KIF6: variants seen among roughly 807,000 people sequenced by gnomAD.
KIF6 encodes kinesin-like protein KIF6.
Under a neutral mutation model 112.7 loss-of-function variants are expected in KIF6, and 106 were observed. The observed-to-expected ratio is 0.94, with a 90% CI of 0.80 to 1.11. The LOEUF (loss-of-function observed/expected upper bound fraction) is 1.11, where lower values mean the gene tolerates loss of function less well. Ranked by LOEUF, KIF6 falls within the 50% of genes least tolerant of loss-of-function variation. KIF6 has a pLI of 0.00. For synonymous variants in KIF6, 339 were observed against 339.9 expected (o/e 1.00, Z 0.03); for missense variants, 929 against 964.0 (o/e 0.96, Z 0.48).
At chr6:39,543,280 G>A (rs1319083416) in intron 12 of KIF6, among the ~76,000 whole-genome samples, 2 of 152,154 alleles carry the variant, frequency 1.3e-5, no homozygotes, top group East Asian at 3.9e-4. Context: ...GGTCCAGGCC[G>A]AGACCATGCC....
intron 15 of KIF6, among the ~76,000 whole-genome samples, chr6:39,400,454 T>C (rs1050834438): frequency 1.3e-5 from 2 of 152,246 alleles, no homozygotes; most frequent in Non-Finnish European, 2.9e-5. Flanking sequence ...CAGACAGCTT[T>C]ATACCGGCCA....
intron 21 of KIF6, among the ~76,000 whole-genome samples, chr6:39,345,025 C>T (rs748462149): frequency 6.6e-6 from 1 of 152,252 alleles, no homozygotes; most frequent in Non-Finnish European, 1.5e-5. Flanking sequence ...CTCCATATAG[C>T]ATTCCCCTTC....
intron 13 of KIF6, among the ~76,000 whole-genome samples, chr6:39,501,437 A>G (rs1293745573): frequency 1.3e-5 from 2 of 152,212 alleles, no homozygotes; most frequent in East Asian, 3.9e-4. Context: ...CAATGACCAC[A>G]ACATCTCTCC....
Position 39,344,282 on chromosome 6 carries a change from C to T in KIF6, c.2322-467G>A, listed in dbSNP as rs540325671. 2.0e-5 allele frequency among the ~76,000 whole-genome samples: 3 copies of T among 152,268 alleles called. No individual in the cohort carries two copies. The South Asian group carries it at 6.2e-4, about 32-fold the overall frequency. On this transcript the variant is annotated intron_variant, in intron 21 of 22. Coordinates refer to ENST00000287152, the MANE Select transcript of KIF6 (RefSeq NM_145027.6). ...CGTGCCTTTCACCATGATTGTGAGG[C>T]CTCCCCAGTGACATGAACTGTGAGT...
chr6:39,696,153 G>C (rs1273807314), intron 3 of KIF6, among the ~76,000 whole-genome samples: 2 of 152,124 alleles, frequency 1.3e-5, no homozygotes, highest in African/African-American at 4.8e-5. Context: ...GGAGGAAGGA[G>C]GAAGAGGAAC....
intron 16 of KIF6, among the ~76,000 whole-genome samples, chr6:39,377,316 T>C (rs922223789): frequency 5.9e-5 from 9 of 152,118 alleles, no homozygotes; most frequent in African/African-American, 2.2e-4. Context: ...CCCAAAGTGC[T>C]GAGATTACAG....
intron 10 of KIF6, among the ~76,000 whole-genome samples, chr6:39,550,269 T>C (rs571777889): frequency 9.2e-5 from 14 of 152,290 alleles, no homozygotes; most frequent in Middle Eastern, 3.4e-3. Flanking sequence ...CATATCTCTA[T>C]GGCACTGGCT....
chr6:39,690,076 A>G (rs191724011), intron 3 of KIF6: 1 of 152,320 alleles, frequency 6.6e-6, no homozygotes, highest in African/African-American at 2.4e-5. Flanking sequence ...AAAAGTCAAA[A>G]CATTTCTTGC....
At chr6:39,353,956 C>T in intron 19 of KIF6, 1 of 523,440 alleles carries the variant, frequency 1.9e-6, no homozygotes, top group Non-Finnish European at 3.5e-6. Context: ...AGCAGGACTG[C>T]TACTGAGGGC....
chr6:39,390,751 C>A (rs1200407029), intron 15 of KIF6, among the ~76,000 whole-genome samples: 2 of 152,134 alleles, frequency 1.3e-5, no homozygotes, highest in Non-Finnish European at 2.9e-5. Flanking sequence ...GAATATGTTT[C>A]CTGCCTGAGG....
intron 9 of KIF6, chr6:39,583,075 T>C (rs891825750): frequency 4.0e-6 from 1 of 249,126 alleles, no homozygotes; most frequent in Non-Finnish European, 8.3e-6. Flanking sequence ...CACATAATAA[T>C]GTTTACCTTT....
intron 13 of KIF6, among the ~76,000 whole-genome samples, chr6:39,434,466 G>C (rs1366955338): frequency 6.6e-6 from 1 of 151,992 alleles, no homozygotes. Flanking sequence ...AGCTACTTGG[G>C]AGGCTGAGGC....
intron 13 of KIF6, among the ~76,000 whole-genome samples, chr6:39,451,094 G>A (rs1388124654): frequency 6.6e-6 from 1 of 152,046 alleles, no homozygotes; most frequent in Non-Finnish European, 1.5e-5. Flanking sequence ...ATGCTGCACC[G>A]AGTGTCTTGG....
At chr6:39,706,894 C>T (rs1207798399) in intron 3 of KIF6, among the ~76,000 whole-genome samples, 1 of 152,164 alleles carries the variant, frequency 6.6e-6, no homozygotes, top group African/African-American at 2.4e-5. Flanking sequence ...GCCTAATTTA[C>T]AGAATAGAAG....
At chr6:39,636,013 T>C (rs555252746) in intron 4 of KIF6, among the ~76,000 whole-genome samples, 32 of 152,084 alleles carry the variant, frequency 2.1e-4, no homozygotes, top group Non-Finnish European at 3.5e-4. Flanking sequence ...ATCCATTTAA[T>C]AGGTTTTGTT....
At chr6:39,497,069 C>T (rs1035723001) in intron 13 of KIF6, among the ~76,000 whole-genome samples, 3 of 152,226 alleles carry the variant, frequency 2.0e-5, no homozygotes, top group African/African-American at 7.2e-5. Context: ...ATGTGCAGCT[C>T]CTCTGTGGGG....
In KIF6 at chr6:39,362,505, G is replaced by A; in HGVS notation, c.1875C>T (p.Asn625=). Residue 625 remains asparagine (N), a synonymous_variant, in exon 17 of 23, where the codon AAC becomes AAT. Transcript: ENST00000287152. Reference sequence around the variant, plus strand: ...GGTCTGGCATCAGAGGCACGGCCATGTTTTCCGAGATTCCTGTAGAAGGAA... The same window carrying A: ...GGTCTGGCATCAGAGGCACGGCCATATTTTCCGAGATTCCTGTAGAAGGAA... ...IQQVALGISE[N]MAVPLMPDQQ... The A allele has an allele frequency of 5.0e-6, 8 of 1,613,670 alleles. No homozygotes were observed. The highest frequency in any genetic ancestry group is 6.8e-6 in the Non-Finnish European group (8 of 1,179,534).
intron 14 of KIF6, among the ~76,000 whole-genome samples, chr6:39,421,197 G>A (rs1433317571): frequency 6.6e-6 from 1 of 152,234 alleles, no homozygotes; most frequent in African/African-American, 2.4e-5. Context: ...GCCTGTCCAC[G>A]AGTGAGCGGA....
At chr6:39,516,574 G>T (rs1777097470) in intron 13 of KIF6, among the ~76,000 whole-genome samples, 1 of 151,350 alleles carries the variant, frequency 6.6e-6, no homozygotes, top group East Asian at 1.9e-4. Flanking sequence ...TTATTACTGG[G>T]AAAGTGGGAG....
Sources: allele counts gnomAD v4.1 joint callset (sites outside exome capture counted in the v4.1 genomes callset), GRCh38; gene constraint gnomAD v4.1.1; transcripts MANE v1.5; gene names NCBI Gene and HGNC (gene_info 2026-07-23, HGNC 2026-07-21).